HIVEP2: variants seen among roughly 807,000 people sequenced by gnomAD.
The protein encoded by HIVEP2 is transcription factor HIVEP2.
A neutral mutation model predicts 180.7 loss-of-function variants in HIVEP2; 14 were observed. The ratio of observed to expected loss-of-function variants is 0.08; its 90% CI spans 0.05 to 0.12. The LOEUF is 0.12. HIVEP2 is among the 10% of genes least tolerant of loss of function. HIVEP2 has a pLI of 1.00. For synonymous variants in HIVEP2, 1,184 were observed against 1,136.4 expected (o/e 1.04, Z -0.84); for missense variants, 2,579 against 3,008.5 (o/e 0.86, Z 3.34).
chr6:142,857,608 T>C (rs1207841424), intron 1 of HIVEP2, among the ~76,000 whole-genome samples: 2 of 152,204 alleles, frequency 1.3e-5, no homozygotes, highest in Non-Finnish European at 2.9e-5. Flanking sequence ...ATAACCAGTT[T>C]TGGGCATCAC....
chr6:142,768,569 G>T, intron 5 of HIVEP2, 33 bp from the exon 6 acceptor site: 1 of 1,606,448 alleles, frequency 6.2e-7, no homozygotes, highest in Non-Finnish European at 8.5e-7. Context: ...CATTTCACAT[G>T]CTTTCTCCAA....
intron 2 of HIVEP2, among the ~76,000 whole-genome samples, chr6:142,825,310 ACAC>A (rs753174508): frequency 6.7e-6 from 1 of 150,152 alleles, no homozygotes; most frequent in Admixed American, 6.6e-5. Context: ...ACACACACAC[ACAC>A]ATCACATACC....
At chr6:142,779,804 A>C (rs1775800612) in intron 3 of HIVEP2, among the ~76,000 whole-genome samples, 1 of 152,216 alleles carries the variant, frequency 6.6e-6, no homozygotes, top group Non-Finnish European at 1.5e-5. Flanking sequence ...TAAAATAATA[A>C]AACCATTCTT....
chr6:142,941,331 G>A (rs982357548), intron 1 of HIVEP2, among the ~76,000 whole-genome samples: 12 of 152,164 alleles, frequency 7.9e-5, no homozygotes, highest in African/African-American at 2.9e-4. Context: ...AAATTAGTTA[G>A]TGGCATCTCA....
intron 1 of HIVEP2, among the ~76,000 whole-genome samples, chr6:142,942,834 TAC>T (rs1391816159): frequency 6.6e-6 from 1 of 152,154 alleles, no homozygotes; most frequent in Non-Finnish European, 1.5e-5. Context: ...CCACATAAAA[TAC>T]AGTCACTGTA....
At chr6:142,828,520 TC>T (rs1212330643) in intron 2 of HIVEP2, among the ~76,000 whole-genome samples, 1 of 152,018 alleles carries the variant, frequency 6.6e-6, no homozygotes, top group Non-Finnish European at 1.5e-5. Flanking sequence ...CACTACAACC[TC>T]CACCTTCTGG....
chr6:142,883,389 T>A (rs958082546), intron 1 of HIVEP2, among the ~76,000 whole-genome samples: 2 of 151,978 alleles, frequency 1.3e-5, no homozygotes, highest in Non-Finnish European at 2.9e-5. Flanking sequence ...CCTGACTCAA[T>A]TCAAATAGTT....
chr6:142,905,165 C>T (rs550175315), intron 1 of HIVEP2, among the ~76,000 whole-genome samples: 7 of 152,088 alleles, frequency 4.6e-5, no homozygotes, highest in Non-Finnish European at 8.8e-5. Context: ...TATTGAATTC[C>T]CATCTCTAAA....
At chr6:142,826,789 A>G (rs1774915626) in intron 2 of HIVEP2, among the ~76,000 whole-genome samples, 1 of 152,192 alleles carries the variant, frequency 6.6e-6, no homozygotes, top group African/African-American at 2.4e-5. Flanking sequence ...CATAAATGTA[A>G]TTTCAAACAA....
At chr6:142,786,325 C>T (rs1272810417) in intron 2 of HIVEP2, among the ~76,000 whole-genome samples, 1 of 152,046 alleles carries the variant, frequency 6.6e-6, no homozygotes, top group Admixed American at 6.6e-5. Context: ...GGCAATGAAA[C>T]CTTAATATTT....
chr6:142,874,757 A>G (rs1358802251), intron 1 of HIVEP2, among the ~76,000 whole-genome samples: 2 of 152,148 alleles, frequency 1.3e-5, no homozygotes, highest in Non-Finnish European at 2.9e-5. Flanking sequence ...AACATGGTCC[A>G]TTTATAGGAC....
intron 1 of HIVEP2, among the ~76,000 whole-genome samples, chr6:142,906,616 GA>G (rs200028882): frequency 6.8e-6 from 1 of 148,138 alleles, no homozygotes; most frequent in African/African-American, 2.5e-5. Context: ...AACCCCAAAA[GA>G]AAAAAAAATG....
chr6:142,861,046 G>A (rs866241631), intron 1 of HIVEP2, among the ~76,000 whole-genome samples: 2 of 152,292 alleles, frequency 1.3e-5, no homozygotes, highest in African/African-American at 4.8e-5. Context: ...TACTCAGACA[G>A]TATACGAACA....
chr6:142,879,387 T>C (rs150378954), intron 1 of HIVEP2, among the ~76,000 whole-genome samples: 2 of 152,268 alleles, frequency 1.3e-5, no homozygotes, highest in African/African-American at 2.4e-5. Context: ...AGGAAGAACA[T>C]GGATGTTGAA....
At chr6:142,878,277 A>G (rs1776495370) in intron 1 of HIVEP2, among the ~76,000 whole-genome samples, 1 of 152,230 alleles carries the variant, frequency 6.6e-6, no homozygotes, top group South Asian at 2.1e-4. Context: ...TAATCACTGC[A>G]TAGCTAACAA....
rs1776235847 is a variant in HIVEP2, at chr6:142,794,526, A to G, written c.-527-10911T>C. 2.6e-5 allele frequency among the ~76,000 whole-genome samples: 4 copies of G among 152,212 alleles called. 1 individual carries two copies. The South Asian group carries it at 8.3e-4, about 32-fold the overall frequency. ...AAATATAACAGAAAAGGTACATATA[A>G]CATAACTGGATAGGAGCACTAATTA... On this transcript the variant is annotated intron_variant, in intron 2 of 9. Coordinates refer to ENST00000367603, the MANE Select transcript of HIVEP2 (RefSeq NM_006734.4).
At chr6:142,856,726 G>T (rs921111096) in intron 1 of HIVEP2, among the ~76,000 whole-genome samples, 1 of 152,168 alleles carries the variant, frequency 6.6e-6, no homozygotes, top group Non-Finnish European at 1.5e-5. Flanking sequence ...TGAAATCTAG[G>T]TTATATCACT....
chr6:142,925,430 C>T (rs6926063), intron 1 of HIVEP2, among the ~76,000 whole-genome samples: 11,787 of 152,140 alleles, frequency 0.077, 1,481 homozygotes, highest in African/African-American at 0.26. Flanking sequence ...CATTTTTGTG[C>T]ATTTCATAAC....
At chr6:142,898,281 TA>T (rs1777049495) in intron 1 of HIVEP2, among the ~76,000 whole-genome samples, 2 of 152,116 alleles carry the variant, frequency 1.3e-5, no homozygotes, top group African/African-American at 4.8e-5. Context: ...ACTGGAGAAG[TA>T]AAATTGAAAC....
Sources: gnomAD v4.1 joint callset for allele counts (sites outside exome capture counted in the v4.1 genomes callset) on GRCh38, gnomAD v4.1.1 for gene constraint, MANE v1.5 for transcripts, NCBI Gene and HGNC (gene_info 2026-07-23, HGNC 2026-07-21) for gene names.